MLH3: variants seen among roughly 807,000 people sequenced by gnomAD.
MLH3 encodes DNA mismatch repair protein Mlh3.
Under a neutral mutation model 122.2 loss-of-function variants are expected in MLH3, and 82 were observed. The observed-to-expected ratio is 0.67, with a 90% CI of 0.56 to 0.81. The LOEUF (loss-of-function observed/expected upper bound fraction) is 0.81, where lower values mean the gene tolerates loss of function less well. MLH3 is among the 30% of genes least tolerant of loss of function. The pLI is 0.00. For missense variants in MLH3, 1,539 were observed against 1,714.5 expected, an observed-to-expected ratio of 0.90 and a Z score of 1.81; for synonymous variants, 524 against 599.5, an observed-to-expected ratio of 0.87 and a Z score of 1.84.
rs761452132 is a variant in MLH3, at chr14:75,018,896, T to C, written c.4175A>G (p.Gln1392Arg). The part of the protein sequence containing the change: ...EALSSCQLPF[Q>R]CAHGRPSMLP... The stretch of plus-strand genomic sequence containing the variant: ...CATAGAAGGTCTCCCGTGAGCACAC[T>C]GGAATGGCAGCTGGCATGAGGACAG... The change falls in exon 12 of 13, where the codon CAG becomes CGG. Residue 1392 changes from glutamine (Q) to arginine (R), a missense_variant. Transcript: ENST00000355774. 8.1e-6 allele frequency: 13 copies of C among 1,614,064 alleles called. No homozygotes were observed. The highest frequency in any genetic ancestry group is 9.3e-6 in the Non-Finnish European group (11 of 1,179,942).
intron 2 of MLH3, among the ~76,000 whole-genome samples, chr14:75,043,514 C>G (rs1037262113): frequency 3.3e-5 from 5 of 152,168 alleles, no homozygotes; most frequent in African/African-American, 1.2e-4. Flanking sequence ...CTAGTAAGAT[C>G]TGGCCCAAAT....
chr14:75,044,372 C>T (rs10136948), intron 2 of MLH3, among the ~76,000 whole-genome samples: 70,735 of 152,086 alleles, frequency 0.47, 17,396 homozygotes, highest in East Asian at 0.84. Context: ...GAAATATTTA[C>T]GTTGAATATG....
At chr14:75,035,300 T>C (rs1891329470) in intron 6 of MLH3, among the ~76,000 whole-genome samples, 1 of 151,894 alleles carries the variant, frequency 6.6e-6, no homozygotes, top group Non-Finnish European at 1.5e-5. Flanking sequence ...GGCGGGCGGA[T>C]CACCTGAGAT....
Position 75,048,912 on chromosome 14 carries a change from A to G in MLH3, c.744T>C (p.Asn248=), listed in dbSNP as rs377173323. 11 of 1,613,504 alleles carry G rather than the reference A, an allele frequency of 6.8e-6. No homozygotes were observed. Among genetic ancestry groups the G allele is most frequent in the African/African-American group, 5.3e-5 (4 of 74,978 alleles). The change falls in exon 2 of 13, where the codon AAT becomes AAC. Residue 248 remains asparagine, a synonymous_variant. Coordinates refer to ENST00000355774, the MANE Select transcript of MLH3 (RefSeq NM_001040108.2). ...YISSEAHYNK[N]MQFLFVNKRL... Reference sequence around the variant, plus strand: ...TTTTGTTCACAAACAAAAACTGCATATTCTTGTTGTAATGTGCTTCAGAGC... The same window carrying G: ...TTTTGTTCACAAACAAAAACTGCATGTTCTTGTTGTAATGTGCTTCAGAGC...
chr14:75,018,721 T>A, intron 12 of MLH3, 108 bp downstream of exon 12: 13 of 1,322,620 alleles, frequency 9.8e-6, no homozygotes, highest in Non-Finnish European at 1.4e-5. Flanking sequence ...TTTGCAAAAC[T>A]CTCCTATTTT....
At chr14:75,050,625 C>T (rs1037312653) in intron 1 of MLH3, among the ~76,000 whole-genome samples, 11 of 152,246 alleles carry the variant, frequency 7.2e-5, no homozygotes, top group Admixed American at 2.6e-4. Flanking sequence ...GTCTCGAACT[C>T]CTGAACTCAA....
chr14:75,018,238 A>C lies in MLH3; in HGVS notation c.4242+591T>G, dbSNP rs28757053. Among the ~76,000 whole-genome samples, 1,423 of 152,332 alleles carry C rather than the reference A, an allele frequency of 9.3e-3. 19 individuals carry two copies. Among genetic ancestry groups the C allele is most frequent in the African/African-American group, 0.033 (1,375 of 41,570 alleles). The stretch of plus-strand genomic sequence containing the variant: ...TTCTCCTTCACTGAAGATTATAACA[A>C]GGACAGAAGTTCTTCATTTAAGCCA... On this transcript the variant is annotated intron_variant, in intron 12 of 12. Transcript: ENST00000355774.
chr14:75,017,639 T>C (rs1042163071), intron 12 of MLH3, among the ~76,000 whole-genome samples: 5 of 152,240 alleles, frequency 3.3e-5, no homozygotes, highest in Non-Finnish European at 7.3e-5. Flanking sequence ...CAATAGAGAT[T>C]ACAGATTGTT....
In MLH3 at chr14:75,048,175, T is replaced by A; in HGVS notation, c.1481A>T (p.His494Leu). The change falls in exon 2 of 13, where the codon CAT becomes CTT. Residue 494 changes from histidine to leucine, a missense_variant. Physicochemically the swap from His to Leu is moderately conservative, Grantham distance 99. Transcript: ENST00000355774. The stretch of plus-strand genomic sequence containing the variant: ...TCCACACGGATTTTCTAAAGAGCTA[T>A]GTTCCAGGAAAGATTTTTTATGTTT... The part of the protein sequence containing the change: ...NEKHKKSFLE[H>L]SSLENPCGTS... 1.2e-6 allele frequency: 2 copies of A among 1,614,022 alleles called. No homozygotes were observed. Among genetic ancestry groups the A allele is most frequent in the Non-Finnish European group, 1.7e-6 (2 of 1,179,982 alleles).
chr14:75,022,676 T>C (rs1890361719), intron 11 of MLH3, 138 bp downstream of exon 11: 1 of 860,062 alleles, frequency 1.2e-6, no homozygotes, highest in Admixed American at 1.8e-5. Flanking sequence ...TAAAAGGGTA[T>C]ATTCAGTTTC....
chr14:75,020,652 A>C (rs1476728545), intron 11 of MLH3: 5 of 152,172 alleles, frequency 3.3e-5, no homozygotes. Context: ...CAGAAAACTT[A>C]CAATTATGGC....
chr14:75,017,020 C>T lies in MLH3; in HGVS notation c.*62G>A. 6.3e-7 allele frequency: 1 copy of T among 1,599,204 alleles called. No homozygotes were observed. On this transcript the variant is annotated 3_prime_UTR_variant, in exon 13 of 13. Coordinates refer to ENST00000355774, the MANE Select transcript of MLH3 (RefSeq NM_001040108.2). ...GCCGTGCTGGTACCTGCTGCTGCTG[C>T]TCTCTGCTCAGAGGCATACAGTGAA... is the stretch of plus-strand genomic sequence containing the variant.
chr14:75,046,871 T>C lies in MLH3; in HGVS notation c.2785A>G (p.Lys929Glu), dbSNP rs2139555775. The change falls in exon 2 of 13, where the codon AAA becomes GAA. Residue 929 changes from lysine (K) to glutamate (E), a missense_variant. Physicochemically the swap from Lys to Glu is moderately conservative, Grantham distance 56 (BLOSUM62 1). Coordinates refer to ENST00000355774, the MANE Select transcript of MLH3 (RefSeq NM_001040108.2). ...GTTGGGATGACACCATTCTCTGTTT[T>C]TTCATGCTTGTTGTTAAATAACATA... ...FCMLFNNKHE[K>E]TENGVIPTSD... The C allele has an allele frequency of 1.2e-6, 2 of 1,614,114 alleles. No individual in the cohort carries two copies. The highest frequency in any genetic ancestry group is 1.7e-6 in the Non-Finnish European group (2 of 1,180,034).
chr14:75,032,432 G>A (rs1424489311), intron 7 of MLH3, among the ~76,000 whole-genome samples: 1 of 152,178 alleles, frequency 6.6e-6, no homozygotes, highest in East Asian at 1.9e-4. Context: ...CAATGTTCCT[G>A]TAGTTAATAA....
chr14:75,034,864 G>A (rs1391090091), intron 6 of MLH3, among the ~76,000 whole-genome samples: 1 of 151,828 alleles, frequency 6.6e-6, no homozygotes, highest in African/African-American at 2.4e-5. Flanking sequence ...AGGAATTCAA[G>A]ATCAGCTGAC....
At position 75,047,076 on chromosome 14, in the gene MLH3, A is replaced by G. The variant is rs755644627; in HGVS notation, c.2580T>C (p.Asn860=). The change falls in exon 2 of 13, where the codon AAT becomes AAC. Residue 860 remains asparagine (N), a synonymous_variant. Transcript: ENST00000355774. ...ACTTCTCAAGGTCCAAAGGTTTTCT[A>G]TTAAAGAGAGATAACTCCTTCAGGG... The part of the protein sequence containing the change: ...PMTLKELSLF[N]RKPLDLEKSS... The G allele has an allele frequency of 6.2e-7, 1 of 1,614,152 alleles. No individual in the cohort carries two copies. The highest frequency in any genetic ancestry group is 8.5e-7 in the Non-Finnish European group (1 of 1,179,994).
At chr14:75,019,813 A>C (rs919614912) in intron 11 of MLH3, among the ~76,000 whole-genome samples, 12 of 152,298 alleles carry the variant, frequency 7.9e-5, no homozygotes, top group Admixed American at 2.0e-4. Flanking sequence ...AATATTTATT[A>C]AGTATATACT....
rs1426167032 is a variant in MLH3, at chr14:75,046,783, T to C, written c.2873A>G (p.Asn958Ser). The C allele has an allele frequency of 4.3e-6, 7 of 1,614,206 alleles. No homozygotes were observed. The highest frequency in any genetic ancestry group is 5.1e-6 in the Non-Finnish European group (6 of 1,180,026). ...NKNSKTHSNS[N>S]TTENCVISET... ...TGATATCACACAGTTCTCTGTTGTA[T>C]TGCTGTTAGAATGTGTTTTACTATT... Residue 958 changes from asparagine to serine, a missense_variant, in exon 2 of 13, where the codon AAT (asparagine) becomes AGT (serine). Coordinates refer to ENST00000355774, the MANE Select transcript of MLH3 (RefSeq NM_001040108.2).
chr14:75,021,942 A>G (rs781484490), intron 11 of MLH3, among the ~76,000 whole-genome samples: 1 of 152,222 alleles, frequency 6.6e-6, no homozygotes, highest in Non-Finnish European at 1.5e-5. Flanking sequence ...ATGCTCATCA[A>G]TGGTGGATTG....
Sources: allele counts gnomAD v4.1 joint callset (sites outside exome capture counted in the v4.1 genomes callset), GRCh38; gene constraint gnomAD v4.1.1; transcripts MANE v1.5; gene names NCBI Gene and HGNC (gene_info 2026-07-23, HGNC 2026-07-21).